Variants in SEC14L4 observed in about 807,000 individuals in gnomAD.
The protein encoded by SEC14L4 is SEC14 like lipid binding 4.
A neutral mutation model predicts 55.1 loss-of-function variants in SEC14L4; 42 were observed. The ratio of observed to expected loss-of-function variants is 0.76; its 90% CI spans 0.60 to 0.99. The LOEUF (loss-of-function observed/expected upper bound fraction) is 0.99. Among genes scored for constraint, SEC14L4 ranks in the 50% least tolerant of loss-of-function variants. The probability of loss-of-function intolerance (pLI) is 0.00; values close to 1 mark genes in which losing one functional copy is unlikely to be tolerated. For missense variants in SEC14L4, 445 were observed against 512.1 expected, an observed-to-expected ratio of 0.87 and a Z score of 1.27; for synonymous variants, 206 against 206.8, an observed-to-expected ratio of 1.00 and a Z score of 0.03.
At position 30,489,903 on chromosome 22, in the gene SEC14L4, G is replaced by A; in HGVS notation, c.*204C>T. 1 of 1,551,788 alleles carries A rather than the reference G, an allele frequency of 6.4e-7. No individual in the cohort carries two copies. Among genetic ancestry groups the A allele is most frequent in the Non-Finnish European group, 8.7e-7 (1 of 1,147,018 alleles). ...TCTGGGAACAGGGAAAGAGGTTCCT[G>A]TCTGAATCTTCAGCATGGGCTATGC... is the stretch of plus-strand genomic sequence containing the variant. On this transcript the variant is annotated 3_prime_UTR_variant, in exon 12 of 12. Transcript: ENST00000255858.
At chr22:30,501,630 C>A (rs1936323232) in intron 2 of SEC14L4, among the ~76,000 whole-genome samples, 1 of 151,822 alleles carries the variant, frequency 6.6e-6, no homozygotes, top group Non-Finnish European at 1.5e-5. Flanking sequence ...TGAAGGAAAT[C>A]CAAATAATAT....
intron 2 of SEC14L4, among the ~76,000 whole-genome samples, chr22:30,498,090 T>C (rs1936206522): frequency 6.6e-6 from 1 of 151,956 alleles, no homozygotes; most frequent in South Asian, 2.1e-4. Flanking sequence ...ATGGGCTTTG[T>C]TGCTGTTTTG....
At chr22:30,503,485 A>T (rs1200051752) in intron 2 of SEC14L4, among the ~76,000 whole-genome samples, 192 bp downstream of exon 2, 5 of 150,868 alleles carry the variant, frequency 3.3e-5, no homozygotes, top group Non-Finnish European at 7.4e-5. Context: ...CTGGTCTCGA[A>T]CTCCCGACCT....
chr22:30,502,973 C>A (rs1936377164), intron 2 of SEC14L4, among the ~76,000 whole-genome samples: 2 of 152,240 alleles, frequency 1.3e-5, no homozygotes, highest in South Asian at 4.1e-4. Flanking sequence ...CACCTCGGTT[C>A]CTTTAGGGGA....
chr22:30,489,824 A>T lies in SEC14L4; in HGVS notation c.*283T>A. The T allele has an allele frequency of 6.5e-7, 1 of 1,531,992 alleles. No individual in the cohort carries two copies. The highest frequency in any genetic ancestry group is 1.2e-5 in the South Asian group (1 of 83,606). 94.9% of individuals were successfully genotyped at this position (1,531,992 alleles called of 1,614,324 possible). A position where few individuals can be genotyped will look rare whatever the true frequency, so the allele number is the denominator to read the frequency against. ...TGAAAGGGCAGCTTCTGCAAGCAGG[A>T]CCCATCCTCAGTGGACTGGATCATC... On this transcript the variant is annotated 3_prime_UTR_variant, in exon 12 of 12. Coordinates refer to ENST00000255858, the MANE Select transcript of SEC14L4 (RefSeq NM_174977.4).
intron 2 of SEC14L4, among the ~76,000 whole-genome samples, chr22:30,501,716 G>T (rs1007009916): frequency 6.6e-6 from 1 of 151,916 alleles, no homozygotes; most frequent in Non-Finnish European, 1.5e-5. Flanking sequence ...ATCATAAGAA[G>T]AAGATGTTAA....
rs1037413383 is a variant in SEC14L4, at chr22:30,489,462, A to G, written c.*645T>C. ...ACCATGTTGCCCAGGCTGGTCCCGA[A>G]CTCCTGATCTCAGGTGATCTGCCCA... On this transcript the variant is annotated 3_prime_UTR_variant, in exon 12 of 12. Coordinates refer to ENST00000255858, the MANE Select transcript of SEC14L4 (RefSeq NM_174977.4). 4.1e-6 allele frequency: 1 copy of G among 245,462 alleles called. No homozygotes were observed. The highest frequency in any genetic ancestry group is 7.9e-6 in the Non-Finnish European group (1 of 126,464). 15.2% of individuals were successfully genotyped at this position (245,462 alleles called of 1,614,324 possible). A position where few individuals can be genotyped will look rare whatever the true frequency, so the allele number is the denominator to read the frequency against.
intron 6 of SEC14L4, among the ~76,000 whole-genome samples, 157 bp downstream of exon 6, chr22:30,494,709 A>T (rs1164229036): frequency 1.3e-5 from 2 of 152,032 alleles, no homozygotes; most frequent in Non-Finnish European, 2.9e-5. Flanking sequence ...TTCTCCGTGG[A>T]GGGTGGTCTC....
intron 2 of SEC14L4, among the ~76,000 whole-genome samples, chr22:30,501,844 C>CATATATAT (rs1568949238): frequency 8.0e-5 from 4 of 50,282 alleles, no homozygotes; most frequent in African/African-American, 9.2e-5. Context: ...CACACACACG[C>CATATATAT]ACATATATAT....
At chr22:30,498,702 G>A (rs61154368) in intron 2 of SEC14L4, among the ~76,000 whole-genome samples, 5,157 of 152,124 alleles carry the variant, frequency 0.034, 121 homozygotes, top group African/African-American at 0.06. Context: ...TTTTTGCTAC[G>A]TAACCATTAC....
rs1355061769 is a variant in SEC14L4 at position 30,491,925 on chromosome 22, C to T, written c.820G>A (p.Val274Met). ...VPKSYYLCEQ[V>M]RLQYEHTRSV... ...CTCGTGTGCTCATACTGCAGCCTCA[C>T]CTGCTCGCACAGGTAGTAGCTCTTG... The change falls in exon 10 of 12, where the codon GTG becomes ATG. Residue 274 changes from valine to methionine, a missense_variant. Coordinates refer to ENST00000255858, the MANE Select transcript of SEC14L4 (RefSeq NM_174977.4). The T allele has an allele frequency of 2.5e-6, 4 of 1,614,012 alleles. No homozygotes were observed. In the South Asian group the frequency reaches 3.3e-5, roughly 13 times the overall value.
At position 30,500,791 on chromosome 22, in the gene SEC14L4, C is replaced by T. The variant is rs573880796; in HGVS notation, c.130+2886G>A. 4.6e-5 allele frequency among the ~76,000 whole-genome samples: 4 copies of T among 87,430 alleles called. No homozygotes were observed. The South Asian group carries it at 1.1e-3, about 25-fold the overall frequency. 57.4% of individuals were successfully genotyped at this position (87,430 alleles called of 152,430 possible). A position where few individuals can be genotyped will look rare whatever the true frequency, so the allele number is the denominator to read the frequency against. ...TTTTTTTTTTTTTTTTTTAGTAACA[C>T]CTACTATGCGCCAGGCTGAGGGGAC... On this transcript the variant is annotated intron_variant, in intron 2 of 11. Transcript: ENST00000255858.
At chr22:30,502,078 C>T (rs954333445) in intron 2 of SEC14L4, among the ~76,000 whole-genome samples, 1 of 151,824 alleles carries the variant, frequency 6.6e-6, no homozygotes, top group East Asian at 1.9e-4. Context: ...GTTGGCCAGG[C>T]TGGTCTCGAA....
At chr22:30,495,202 C>T (rs1370042802) in intron 5 of SEC14L4, 52 bp downstream of exon 5, 1 of 1,491,894 alleles carries the variant, frequency 6.7e-7, no homozygotes, top group Non-Finnish European at 9.0e-7. Context: ...CTTCTCTGGT[C>T]CTGGTGCCAC....
At chr22:30,503,840 C>T in intron 1 of SEC14L4, 88 bp from the exon 2 acceptor site, 1 of 950,968 alleles carries the variant, frequency 1.1e-6, no homozygotes, top group East Asian at 2.6e-5. Context: ...ACATCATCCA[C>T]CAGTCAACTC....
chr22:30,495,996 AGCTCAAG>A lies in SEC14L4; in HGVS notation c.131-32_131-26del, dbSNP rs756188223. On this transcript the variant is annotated intron_variant, in intron 2 of 11. Transcript: ENST00000255858. ...GCTGCAAGAAGAGGAGGTAAATAGA[AGCTCAAG>A]GCTAGATCCAGAAAGAGCCCTTCCC... The A allele has an allele frequency of 3.7e-6, 6 of 1,611,274 alleles. No homozygotes were observed. In the African/African-American group the frequency reaches 8.0e-5, roughly 22 times the overall value.
chr22:30,500,954 G>C (rs1936301837), intron 2 of SEC14L4, among the ~76,000 whole-genome samples: 1 of 151,464 alleles, frequency 6.6e-6, no homozygotes, highest in Non-Finnish European at 1.5e-5. Flanking sequence ...CCCGCACTTT[G>C]AGAGGCCGAG....
At chr22:30,493,434 T>C (rs1279398835) in intron 7 of SEC14L4, among the ~76,000 whole-genome samples, 1 of 152,160 alleles carries the variant, frequency 6.6e-6, no homozygotes, top group Admixed American at 6.6e-5. Context: ...CTCAGTGAGG[T>C]TAAGTAGACT....
intron 1 of SEC14L4, 48 bp from the exon 2 acceptor site, chr22:30,503,800 G>C (rs755967771): frequency 6.6e-7 from 1 of 1,521,314 alleles, no homozygotes; most frequent in Non-Finnish European, 9.1e-7. Context: ...ATGACCTCGG[G>C]GGCCACCAAC....
Sources: gnomAD v4.1 joint callset for allele counts (sites outside exome capture counted in the v4.1 genomes callset) on GRCh38, gnomAD v4.1.1 for gene constraint, MANE v1.5 for transcripts, NCBI Gene and HGNC (gene_info 2026-07-23, HGNC 2026-07-21) for gene names.